MAK: variants seen among roughly 807,000 people sequenced by gnomAD.
The protein encoded by MAK is serine/threonine-protein kinase MAK.
Under a neutral mutation model 82.6 loss-of-function variants are expected in MAK, and 65 were observed. The ratio of observed to expected loss-of-function variants is 0.79; its 90% CI spans 0.64 to 0.97. MAK has a LOEUF of 0.97. Among genes scored for constraint, MAK ranks in the 50% least tolerant of loss-of-function variants. The pLI, the probability that MAK is intolerant of heterozygous loss-of-function variation, is 0.00. For synonymous variants in MAK, 250 were observed against 274.2 expected (o/e 0.91, Z 0.87); for missense variants, 703 against 780.2 (o/e 0.90, Z 1.18).
In MAK at chr6:10,801,993, T is replaced by C. The variant is rs1776048685; in HGVS notation, c.730A>G (p.Ile244Val). 6.2e-7 allele frequency: 1 copy of C among 1,614,150 alleles called. No homozygotes were observed. The highest frequency in any genetic ancestry group is 8.5e-7 in the Non-Finnish European group (1 of 1,180,016). The change falls in exon 8 of 15, where the codon ATA (isoleucine) becomes GTA (valine). Residue 244 changes from isoleucine to valine, a missense_variant. Physicochemically the swap from Ile to Val is conservative, Grantham distance 29 (BLOSUM62 3). Transcript: ENST00000354489. ...MNFRFPQCVP[I>V]NLKTLIPNAS... is the part of the protein sequence containing the mutation. ...TTGGGAATAAGAGTTTTTAAGTTTA[T>C]AGGAACACACTGGGGAAAACGGAAG... is the stretch of plus-strand genomic sequence containing the variant.
chr6:10,768,267 C>T (rs570010258), intron 14 of MAK, among the ~76,000 whole-genome samples: 2 of 152,226 alleles, frequency 1.3e-5, no homozygotes, highest in African/African-American at 2.4e-5. Flanking sequence ...TTATGATTTT[C>T]TGCCTTTATA....
chr6:10,826,323 G>GT (rs1778367138), intron 2 of MAK, among the ~76,000 whole-genome samples: 1 of 145,232 alleles, frequency 6.9e-6, no homozygotes, highest in Non-Finnish European at 1.5e-5. Context: ...TACTTCTCCA[G>GT]TGTGGCTTAT....
chr6:10,792,423 T>C (rs1292387418), intron 9 of MAK, among the ~76,000 whole-genome samples: 2 of 152,200 alleles, frequency 1.3e-5, no homozygotes, highest in African/African-American at 4.8e-5. Context: ...TTTCTTGTTA[T>C]CTGAGAACAA....
chr6:10,823,292 T>C (rs996287620), intron 2 of MAK, among the ~76,000 whole-genome samples: 16 of 152,156 alleles, frequency 1.1e-4, no homozygotes, highest in Non-Finnish European at 2.1e-4. Flanking sequence ...CTTGTTAAAT[T>C]CCATATCTAA....
chr6:10,776,809 G>A lies in MAK; in HGVS notation c.1466-1350C>T, dbSNP rs1773488937. On this transcript the variant is annotated intron_variant, in intron 11 of 14. Coordinates refer to ENST00000354489, the MANE Select transcript of MAK (RefSeq NM_001242957.3). The surrounding 1 kb of genome is among the most constrained non-coding windows in gnomAD (Gnocchi z 4.3). ...GAACTATTATAGGCAACTACCAGCTGGGTGCGGTGGCTCATGCCTGTAATC... is the reference window on the plus strand; with the variant it reads ...GAACTATTATAGGCAACTACCAGCTAGGTGCGGTGGCTCATGCCTGTAATC... 6.6e-6 allele frequency among the ~76,000 whole-genome samples: 1 copy of A among 152,234 alleles called. No individual in the cohort carries two copies. Among genetic ancestry groups the A allele is most frequent in the African/African-American group, 2.4e-5 (1 of 41,530 alleles).
At chr6:10,766,038 C>T (rs182204329) in intron 14 of MAK, among the ~76,000 whole-genome samples, 7 of 152,310 alleles carry the variant, frequency 4.6e-5, no homozygotes, top group South Asian at 2.1e-4. Flanking sequence ...CCCTCCTTCA[C>T]GCTTTCCTCA....
rs1310992396 is a variant in MAK at position 10,796,037 on chromosome 6, T to G, written c.1104A>C (p.Pro368=). The part of the protein sequence containing the change: ...PPKQQSQEKP[P]QTLFPSIVKN... ...TGACGATGCTCGGGAATAGCGTTTGTGGCGGTTTCTCCTGACTCTGTTGCT... is the reference window on the plus strand; with the variant it reads ...TGACGATGCTCGGGAATAGCGTTTGGGGCGGTTTCTCCTGACTCTGTTGCT... Residue 368 remains proline, a synonymous_variant, in exon 9 of 15, where the codon CCA becomes CCC. Coordinates refer to ENST00000354489, the MANE Select transcript of MAK (RefSeq NM_001242957.3). 1 of 1,614,004 alleles carries G rather than the reference T, an allele frequency of 6.2e-7. No homozygotes were observed. The highest frequency in any genetic ancestry group is 1.3e-5 in the African/African-American group (1 of 74,934).
At chr6:10,770,295 T>C (rs1034864538) in intron 13 of MAK, 65 bp from the exon 14 acceptor site, 14 of 1,549,874 alleles carry the variant, frequency 9.0e-6, no homozygotes, top group Non-Finnish European at 1.2e-5. Flanking sequence ...AGAATAACAT[T>C]GAATACTACC....
At chr6:10,805,480 G>A (rs1230395241) in intron 6 of MAK, among the ~76,000 whole-genome samples, 1 of 151,508 alleles carries the variant, frequency 6.6e-6, no homozygotes, top group Non-Finnish European at 1.5e-5. Flanking sequence ...TCAGCTACTC[G>A]AGAGGCTGAG....
intron 1 of MAK, among the ~76,000 whole-genome samples, chr6:10,832,191 G>A (rs1778863609): frequency 6.6e-6 from 1 of 152,180 alleles, no homozygotes; most frequent in South Asian, 2.1e-4. Flanking sequence ...TCACCATGTT[G>A]GCCAAGCTGG....
At chr6:10,807,692 G>A (rs962305768) in intron 6 of MAK, among the ~76,000 whole-genome samples, 1 of 151,926 alleles carries the variant, frequency 6.6e-6, no homozygotes, top group Non-Finnish European at 1.5e-5. Context: ...CACAGGCAGA[G>A]GCATGTGTTG....
intron 4 of MAK, among the ~76,000 whole-genome samples, chr6:10,815,028 C>G (rs1777352909): frequency 1.4e-5 from 2 of 147,714 alleles, no homozygotes; most frequent in African/African-American, 5.0e-5. Context: ...AAGAGCGAGA[C>G]TCCATCTCAA....
chr6:10,782,041 A>G (rs1774019895), intron 11 of MAK, among the ~76,000 whole-genome samples: 1 of 152,140 alleles, frequency 6.6e-6, no homozygotes, highest in South Asian at 2.1e-4. Context: ...CCCCGTCTCT[A>G]CTAAAACATA....
At position 10,838,539 on chromosome 6, in the gene MAK, T is replaced by G. The variant is rs1370046741; in HGVS notation, c.-266A>C. 6.6e-6 allele frequency: 1 copy of G among 152,246 alleles called. No individual in the cohort carries two copies. Among genetic ancestry groups the G allele is most frequent in the Non-Finnish European group, 1.5e-5 (1 of 68,078 alleles). The allele number at this position is 152,246 out of a possible 1,614,324, so 9.4% of individuals were successfully genotyped here. ...CCTTGTGAAGCTCCGGCGTCTTGTGTGTTTCATCTCCTAGGAAACGGCGGG... is the reference window on the plus strand; with the variant it reads ...CCTTGTGAAGCTCCGGCGTCTTGTGGGTTTCATCTCCTAGGAAACGGCGGG... On this transcript the variant is annotated 5_prime_UTR_variant, in exon 1 of 15. Coordinates refer to ENST00000354489, the MANE Select transcript of MAK (RefSeq NM_001242957.3).
intron 8 of MAK, chr6:10,797,819 A>G (rs2127551013): frequency 1.6e-6 from 2 of 1,281,150 alleles, no homozygotes; most frequent in Middle Eastern, 2.1e-4. Flanking sequence ...ATATTCTACA[A>G]CTTAACCAAC....
chr6:10,796,577 G>A (rs2127549233), intron 8 of MAK, among the ~76,000 whole-genome samples: 1 of 152,306 alleles, frequency 6.6e-6, no homozygotes, highest in South Asian at 2.1e-4. Flanking sequence ...AGGATGAGGT[G>A]GGAGGATCAC....
At chr6:10,813,124 ATATATATATAAATTTTTTTTTTTTTTTT>A (rs1777150052) in intron 5 of MAK, among the ~76,000 whole-genome samples, 1 of 816 alleles carries the variant, frequency 1.2e-3, no homozygotes, top group African/African-American at 4.6e-3. Flanking sequence ...ATATATATAT[ATATATATATAAATTTTTTTTTTTTTTTT>A]TTTTTTTTTT....
At chr6:10,830,486 G>T in intron 2 of MAK, 62 bp downstream of exon 2, 2 of 1,352,358 alleles carry the variant, frequency 1.5e-6, no homozygotes, top group East Asian at 2.3e-5. Context: ...ATTCTTAAGC[G>T]AGGACAGGAA....
At chr6:10,833,023 T>G (rs1449855296) in intron 1 of MAK, among the ~76,000 whole-genome samples, 1 of 152,172 alleles carries the variant, frequency 6.6e-6, no homozygotes, top group African/African-American at 2.4e-5. Flanking sequence ...TAAAGTACCT[T>G]TTATGACTTA....
Sources: allele counts gnomAD v4.1 joint callset (sites outside exome capture counted in the v4.1 genomes callset), GRCh38; gene constraint gnomAD v4.1.1; non-coding constraint Gnocchi (gnomAD v3.1); transcripts MANE v1.5; gene names NCBI Gene and HGNC (gene_info 2026-07-23, HGNC 2026-07-21).